Variants in SASH1 observed in about 807,000 individuals in gnomAD.
SASH1 encodes SAM and SH3 domain containing 1, also known as SAM and SH3 domain-containing protein 1.
A neutral mutation model predicts 125.2 loss-of-function variants in SASH1; 44 were observed. That is an observed-to-expected ratio of 0.35 (90% CI 0.28 to 0.45). SASH1 has a LOEUF of 0.45. Ranked by LOEUF, SASH1 falls within the 20% of genes least tolerant of loss-of-function variation. The pLI, the probability that SASH1 is intolerant of heterozygous loss-of-function variation, is 1.00. For synonymous variants in SASH1, 639 were observed against 649.1 expected (o/e 0.98, Z 0.24); for missense variants, 1,426 against 1,614.5 (o/e 0.88, Z 2.00).
intron 1 of SASH1, among the ~76,000 whole-genome samples, chr6:148,296,535 A>G (rs550148603): frequency 1.3e-5 from 2 of 152,252 alleles, no homozygotes; most frequent in African/African-American, 4.8e-5. Context: ...ATTTCATGTA[A>G]CTCTATGGGA....
At chr6:148,473,661 C>T (rs1041329145) in intron 6 of SASH1, among the ~76,000 whole-genome samples, 3 of 152,168 alleles carry the variant, frequency 2.0e-5, no homozygotes, top group Non-Finnish European at 1.5e-5. Flanking sequence ...GATTCTTTCC[C>T]ACTTCTTTGC....
intron 1 of SASH1, among the ~76,000 whole-genome samples, chr6:148,289,861 G>GTTT (rs144013796): frequency 5.3e-3 from 454 of 85,876 alleles, no homozygotes; most frequent in East Asian, 6.3e-3. Flanking sequence ...TTTTGGTTGT[G>GTTT]TTTTTTTTTT....
chr6:148,295,820 G>C (rs1779749361), intron 1 of SASH1, among the ~76,000 whole-genome samples: 2 of 152,212 alleles, frequency 1.3e-5, no homozygotes, highest in Admixed American at 6.5e-5. Context: ...ACAGCAGCCA[G>C]CACTTCACCT....
Position 148,533,090 on chromosome 6 carries a change from C to A in SASH1, c.1734+124C>A. The stretch of plus-strand genomic sequence containing the variant: ...ACAGACTGGACAGTATCTTGGCTAC[C>A]TCGATCACTGGTCTCCTCTGTAGTG... On this transcript the variant is annotated intron_variant, in intron 14 of 19. Transcript: ENST00000367467. The surrounding 1 kb of genome is among the most constrained non-coding windows in gnomAD (Gnocchi z 6.2). The A allele has an allele frequency of 9.5e-7, 1 of 1,051,852 alleles. No homozygotes were observed. The highest frequency in any genetic ancestry group is 1.4e-6 in the Non-Finnish European group (1 of 713,040). 65.2% of individuals were successfully genotyped at this position (1,051,852 alleles called of 1,614,324 possible). A position where few individuals can be genotyped will look rare whatever the true frequency, so the allele number is the denominator to read the frequency against.
At chr6:148,211,883 T>C in the SASH1 span, among the ~76,000 whole-genome samples, 2 of 152,140 alleles carry the variant, frequency 1.3e-5, no homozygotes, top group Non-Finnish European at 2.9e-5. Context: ...ACCCCCACGT[T>C]CCTTCTTTCA....
the SASH1 span, among the ~76,000 whole-genome samples, chr6:148,206,439 G>A: frequency 6.6e-6 from 1 of 152,110 alleles, no homozygotes; most frequent in Non-Finnish European, 1.5e-5. Context: ...TTTAAGAAAT[G>A]TAATGTCACT....
the SASH1 span, among the ~76,000 whole-genome samples, chr6:148,251,360 T>C: frequency 2.2e-4 from 33 of 152,324 alleles, no homozygotes; most frequent in East Asian, 6.4e-3. Context: ...TCAATACCCC[T>C]GAAAAATATC....
At chr6:148,377,990 A>G (rs1204359368) in intron 1 of SASH1, among the ~76,000 whole-genome samples, 1 of 152,126 alleles carries the variant, frequency 6.6e-6, no homozygotes, top group Non-Finnish European at 1.5e-5. Context: ...GTAGCAGAGA[A>G]AGAGAGAAGG....
chr6:148,386,077 G>A (rs377204539), intron 1 of SASH1, among the ~76,000 whole-genome samples: 22 of 152,260 alleles, frequency 1.4e-4, no homozygotes, highest in African/African-American at 5.1e-4. Flanking sequence ...CTCTGGTTCG[G>A]TAGTGTCGGA....
upstream of SASH1, among the ~76,000 whole-genome samples, chr6:148,338,057 TC>T (rs1781215104): frequency 9.1e-6 from 1 of 110,384 alleles, no homozygotes; most frequent in African/African-American, 2.8e-5. Context: ...CAATGGAATA[TC>T]TACACTTCCC....
intron 8 of SASH1, among the ~76,000 whole-genome samples, chr6:148,493,446 G>A (rs888104723): frequency 3.3e-5 from 5 of 152,176 alleles, no homozygotes; most frequent in Non-Finnish European, 7.3e-5. Flanking sequence ...TTTTGTGCAA[G>A]AGCCGGAGCT....
chr6:148,440,648 A>G (rs1280542108), intron 4 of SASH1: 2 of 516,096 alleles, frequency 3.9e-6, no homozygotes, highest in African/African-American at 1.9e-5. Context: ...TTGTGAATAA[A>G]CCCTAAATAA....
At chr6:148,431,535 A>G (rs966918160) in intron 2 of SASH1, among the ~76,000 whole-genome samples, 31 of 152,116 alleles carry the variant, frequency 2.0e-4, no homozygotes, top group African/African-American at 7.2e-4. Flanking sequence ...AAATCGACAC[A>G]TGTTCCATGA....
At chr6:148,215,221 C>T in the SASH1 span, among the ~76,000 whole-genome samples, 4,682 of 152,216 alleles carry the variant, frequency 0.031, 153 homozygotes, top group African/African-American at 0.08. Context: ...AAATTGCTTT[C>T]GGCCTAAAAC....
chr6:148,322,449 T>C (rs909884729), intron 1 of SASH1, among the ~76,000 whole-genome samples: 2 of 152,344 alleles, frequency 1.3e-5, no homozygotes, highest in South Asian at 2.1e-4. Flanking sequence ...TGCTCAACTC[T>C]TTCACATTCT....
intron 18 of SASH1, among the ~76,000 whole-genome samples, chr6:148,545,107 A>G (rs1782481686): frequency 6.6e-6 from 1 of 152,242 alleles, no homozygotes. Flanking sequence ...AACCCTATTC[A>G]GATGTGATAA....
intron 1 of SASH1, among the ~76,000 whole-genome samples, chr6:148,343,847 G>A (rs1293057534): frequency 6.6e-6 from 1 of 152,178 alleles, no homozygotes; most frequent in Non-Finnish European, 1.5e-5. Context: ...CTGTATGGAG[G>A]GTGAAGTTTT....
At chr6:148,200,675 C>T in the SASH1 span, among the ~76,000 whole-genome samples, 4,752 of 152,268 alleles carry the variant, frequency 0.031, 116 homozygotes, top group South Asian at 0.064. Context: ...GAACAGACCT[C>T]GCACAGGCTG....
intron 4 of SASH1, among the ~76,000 whole-genome samples, chr6:148,466,977 G>A (rs1003231293): frequency 6.6e-6 from 1 of 151,510 alleles, no homozygotes; most frequent in Non-Finnish European, 1.5e-5. Flanking sequence ...TGATGCAGGT[G>A]CCTTCTTTCT....
Sources: gnomAD v4.1 joint callset for allele counts (sites outside exome capture counted in the v4.1 genomes callset) on GRCh38, gnomAD v4.1.1 for gene constraint, Gnocchi (gnomAD v3.1) non-coding constraint, MANE v1.5 for transcripts, NCBI Gene and HGNC (gene_info 2026-07-23, HGNC 2026-07-21) for gene names.